Variants in SLC35E4 observed in about 807,000 individuals in gnomAD.
The protein encoded by SLC35E4 is solute carrier family 35, member E4.
In SLC35E4, 15 loss-of-function variants were observed where a neutral mutation model predicts 19.3. The ratio of observed to expected loss-of-function variants is 0.78; its 90% CI spans 0.52 to 1.20. The LOEUF (loss-of-function observed/expected upper bound fraction) is 1.20. Among genes scored for constraint, SLC35E4 ranks in the 50% most tolerant of loss-of-function variants. SLC35E4 has a pLI of 0.00. For synonymous variants in SLC35E4, 219 were observed against 219.9 expected (o/e 1.00, Z 0.04); for missense variants, 406 against 472.3 (o/e 0.86, Z 1.30).
chr22:30,668,603 C>G (rs1333109043), exon 3 of SLC35E4: 2 of 152,286 alleles, frequency 1.3e-5, no homozygotes, highest in East Asian at 3.9e-4. Context: ...GTGGTCCCAG[C>G]GCCCTAGGTG....
At chr22:30,642,614 G>T (rs1182052821) in intron 1 of SLC35E4, among the ~76,000 whole-genome samples, 1 of 151,670 alleles carries the variant, frequency 6.6e-6, no homozygotes, top group Non-Finnish European at 1.5e-5. Flanking sequence ...GCTGGTGCAT[G>T]CCTGTCATCC....
Position 30,646,749 on chromosome 22 carries a change from C to T in SLC35E4, c.771C>T (p.Cys257=), listed in dbSNP as rs1346480720. ...CTGGCGACTCTCGCCTCTGGGCCTG[C>T]ATCCTGCTCAGCTGCCTCCTGTCTG... ...PTAGDSRLWA[C]ILLSCLLSVL... is the part of the protein sequence containing the mutation. Residue 257 remains cysteine (C), a synonymous_variant, in exon 2 of 2, where the codon TGC becomes TGT. Transcript: ENST00000343605. The T allele has an allele frequency of 6.2e-7, 1 of 1,613,864 alleles. No individual in the cohort carries two copies. Among genetic ancestry groups the T allele is most frequent in the Non-Finnish European group, 8.5e-7 (1 of 1,179,958 alleles).
chr22:30,653,357 G>A (rs752893502), intron 2 of SLC35E4, among the ~76,000 whole-genome samples: 1 of 151,170 alleles, frequency 6.6e-6, no homozygotes, highest in Non-Finnish European at 1.5e-5. Context: ...CAACCCTCAT[G>A]TGCCCCCTTC....
At chr22:30,655,429 C>CAAAAAAAAAAAAAA (rs5844917) in intron 2 of SLC35E4, among the ~76,000 whole-genome samples, 5 of 111,672 alleles carry the variant, frequency 4.5e-5, no homozygotes, top group African/African-American at 7.3e-5. Flanking sequence ...GAGATCCTAC[C>CAAAAAAAAAAAAAA]AAAAAAAAAA....
intron 1 of SLC35E4, among the ~76,000 whole-genome samples, chr22:30,640,239 C>T (rs1419758711): frequency 6.6e-6 from 1 of 151,884 alleles, no homozygotes; most frequent in African/African-American, 2.4e-5. Context: ...GGCGTGGTGG[C>T]GCCTGCCTGT....
intron 2 of SLC35E4, chr22:30,661,707 G>A (rs2088474314): frequency 6.6e-6 from 1 of 152,196 alleles, no homozygotes; most frequent in Non-Finnish European, 1.5e-5. Flanking sequence ...GAAAACCTCT[G>A]GATCAGAAGA....
chr22:30,653,977 G>GTTTTT, intron 2 of SLC35E4: 2 of 149,812 alleles, frequency 1.3e-5, no homozygotes, highest in Admixed American at 7.0e-5. Context: ...TAGCTGTTTT[G>GTTTTT]TTTTTTTGTT....
chr22:30,665,158 A>G (rs1209220465), downstream of SLC35E4: 1 of 171,662 alleles, frequency 5.8e-6, no homozygotes, highest in Non-Finnish European at 1.3e-5. Context: ...ATTCCGCTGA[A>G]ATAGGGACAT....
chr22:30,651,445 T>A (rs1349991685), downstream of SLC35E4, among the ~76,000 whole-genome samples: 272 of 108,930 alleles, frequency 2.5e-3, no homozygotes, highest in Non-Finnish European at 4.2e-3. Flanking sequence ...TTTTTTTTTT[T>A]TTTTTTTTTT....
chr22:30,660,552 A>G (rs1217659957), intron 2 of SLC35E4, among the ~76,000 whole-genome samples: 1 of 152,222 alleles, frequency 6.6e-6, no homozygotes, highest in Non-Finnish European at 1.5e-5. Flanking sequence ...GTTATCAATG[A>G]CACAGAAGTA....
chr22:30,639,306 C>T (rs544473711), intron 1 of SLC35E4, among the ~76,000 whole-genome samples: 17 of 152,190 alleles, frequency 1.1e-4, no homozygotes, highest in African/African-American at 3.6e-4. Flanking sequence ...ACAGAGACCA[C>T]GTGCTTCACA....
chr22:30,638,358 C>T (rs372719963), intron 1 of SLC35E4, among the ~76,000 whole-genome samples: 3 of 151,460 alleles, frequency 2.0e-5, no homozygotes, highest in East Asian at 3.9e-4. Flanking sequence ...AAAAATTAAC[C>T]GGGCGCCATG....
In SLC35E4 at chr22:30,636,675, C is replaced by T; in HGVS notation, c.225C>T (p.Gly75=). The part of the protein sequence containing the change: ...SLNKWIFTVH[G]FGRPLLLSAL... Reference sequence around the variant, plus strand: ...ACAAGTGGATCTTCACAGTGCACGGCTTTGGGCGGCCCCTGCTGCTGTCGG... The same window carrying T: ...ACAAGTGGATCTTCACAGTGCACGGTTTTGGGCGGCCCCTGCTGCTGTCGG... Residue 75 remains glycine, a synonymous_variant, in exon 1 of 2, where the codon GGC becomes GGT. Coordinates refer to ENST00000343605, the MANE Select transcript of SLC35E4 (RefSeq NM_001001479.4). The T allele has an allele frequency of 1.9e-6, 3 of 1,612,048 alleles. No homozygotes were observed. The highest frequency in any genetic ancestry group is 1.1e-5 in the South Asian group (1 of 91,032).
chr22:30,657,209 TG>T (rs999020318), intron 2 of SLC35E4, among the ~76,000 whole-genome samples: 7 of 151,088 alleles, frequency 4.6e-5, no homozygotes, highest in Non-Finnish European at 5.9e-5. Flanking sequence ...CCGAGGTGGG[TG>T]GATCACCTGA....
At chr22:30,660,451 G>A (rs1483767734) in intron 2 of SLC35E4, among the ~76,000 whole-genome samples, 2 of 152,056 alleles carry the variant, frequency 1.3e-5, no homozygotes, top group Non-Finnish European at 1.5e-5. Flanking sequence ...GGGACTACAG[G>A]TGCATGCCAC....
downstream of SLC35E4, among the ~76,000 whole-genome samples, chr22:30,650,956 C>T (rs1249959804): frequency 1.3e-5 from 2 of 151,712 alleles, no homozygotes; most frequent in East Asian, 4.0e-4. Flanking sequence ...GCCCCTTCTA[C>T]CCTCCCCTGG....
downstream of SLC35E4, among the ~76,000 whole-genome samples, chr22:30,651,391 GTGTGTGTGTA>G (rs1288003563): frequency 4.2e-4 from 16 of 37,786 alleles, no homozygotes; most frequent in East Asian, 3.0e-3. Flanking sequence ...GTGTGTGTGT[GTGTGTGTGTA>G]TATATATATA....
intron 1 of SLC35E4, among the ~76,000 whole-genome samples, chr22:30,642,729 CA>C (rs34842452): frequency 0.39 from 34,001 of 86,864 alleles, 5,328 homozygotes; most frequent in South Asian, 0.58. Flanking sequence ...GGCAACATCT[CA>C]AAAAAAAAAA....
chr22:30,641,395 C>T (rs1481874092), intron 1 of SLC35E4, among the ~76,000 whole-genome samples: 1 of 152,226 alleles, frequency 6.6e-6, no homozygotes, highest in East Asian at 1.9e-4. Context: ...CTCTGCTCCC[C>T]CTATCATGGT....
Sources: allele counts gnomAD v4.1 joint callset (sites outside exome capture counted in the v4.1 genomes callset), GRCh38; gene constraint gnomAD v4.1.1; transcripts MANE v1.5; gene names NCBI Gene and HGNC (gene_info 2026-07-23, HGNC 2026-07-21).